DHX34: variants seen among roughly 807,000 people sequenced by gnomAD.
DHX34 encodes the protein DExH-box helicase 34.
DHX34 carries 96 observed loss-of-function variants against 111.1 expected under a neutral mutation model. The observed-to-expected ratio is 0.86, with a 90% confidence interval of 0.73 to 1.02. DHX34 has a LOEUF of 1.02. Ranked by LOEUF, DHX34 falls within the 50% of genes least tolerant of loss-of-function variation. The pLI is 0.00. For synonymous variants in DHX34, 688 were observed against 670.4 expected, an observed-to-expected ratio of 1.03 and a Z score of -0.41; for missense variants, 1,560 against 1,579.9, an observed-to-expected ratio of 0.99 and a Z score of 0.21.
At chr19:47,378,857 T>C (rs1467688635) in intron 13 of DHX34, among the ~76,000 whole-genome samples, 3 of 151,228 alleles carry the variant, frequency 2.0e-5, no homozygotes, top group South Asian at 4.2e-4. Context: ...AAGCCGGGCA[T>C]GGTGGCTCAC....
Position 47,380,807 on chromosome 19 carries a change from C to T in DHX34, c.2983-9C>T. The stretch of plus-strand genomic sequence containing the variant: ...TGTCTCTCTCCATTTCCTGTCTCTC[C>T]TTCCTTAGATTCCTTACAGCCTCCG... On this transcript the variant is annotated splice_polypyrimidine_tract_variant and intron_variant, in intron 14 of 16. Coordinates refer to ENST00000328771, the MANE Select transcript of DHX34 (RefSeq NM_014681.6). 1.2e-6 allele frequency: 2 copies of T among 1,613,730 alleles called. No homozygotes were observed. The highest frequency in any genetic ancestry group is 1.7e-6 in the Non-Finnish European group (2 of 1,179,792).
chr19:47,379,454 A>G (rs905385164), intron 13 of DHX34: 1 of 285,126 alleles, frequency 3.5e-6, no homozygotes, highest in African/African-American at 2.3e-5. Flanking sequence ...CTGAGAATGC[A>G]GCTGTCTCTC....
intron 6 of DHX34, among the ~76,000 whole-genome samples, chr19:47,366,511 C>G (rs1969789253): frequency 6.6e-5 from 10 of 151,842 alleles, no homozygotes; most frequent in Admixed American, 6.6e-4. Context: ...AAACTCCTGA[C>G]CTCAAGTGAT....
chr19:47,381,128 A>C, intron 15 of DHX34, 58 bp from the exon 16 acceptor site: 1 of 1,603,002 alleles, frequency 6.2e-7, no homozygotes, highest in South Asian at 1.1e-5. Context: ...CCGGGGGGGC[A>C]CTTGGGTGGT....
chr19:47,373,411 G>A, intron 8 of DHX34, 188 bp from the exon 9 acceptor site: 1 of 926,496 alleles, frequency 1.1e-6, no homozygotes, highest in Non-Finnish European at 1.3e-6. Context: ...ACCCAGCGGG[G>A]CATCTAACCC....
intron 5 of DHX34, among the ~76,000 whole-genome samples, chr19:47,360,480 G>A (rs1332249207): frequency 6.6e-6 from 1 of 152,028 alleles, no homozygotes; most frequent in African/African-American, 2.4e-5. Flanking sequence ...TCTGCCCTGG[G>A]GCCTTTGTAC....
chr19:47,380,775 C>T lies in DHX34; in HGVS notation c.2983-41C>T, dbSNP rs375868760. 9 of 1,611,320 alleles carry T rather than the reference C, an allele frequency of 5.6e-6. No homozygotes were observed. In the African/African-American group the frequency reaches 9.4e-5, roughly 17 times the overall value. ...ATCCAGGTGCTTTGGCGGCATCTCC[C>T]TGAGTCTGTCTCTCTCCATTTCCTG... On this transcript the variant is annotated intron_variant, in intron 14 of 16. Transcript: ENST00000328771.
intron 3 of DHX34, among the ~76,000 whole-genome samples, chr19:47,356,322 C>T (rs567130950): frequency 6.6e-6 from 1 of 151,898 alleles, no homozygotes; most frequent in Non-Finnish European, 1.5e-5. Context: ...AATTTGCCTT[C>T]TAAGCAGCCA....
chr19:47,378,948 G>A (rs927910429), intron 13 of DHX34, among the ~76,000 whole-genome samples: 3 of 151,084 alleles, frequency 2.0e-5, no homozygotes, highest in Non-Finnish European at 1.5e-5. Flanking sequence ...TAGCCAATGT[G>A]GTGAAACCCC....
intron 1 of DHX34, among the ~76,000 whole-genome samples, chr19:47,351,171 C>CTTTTTTTTT (rs955543104): frequency 1.4e-4 from 13 of 93,074 alleles, no homozygotes; most frequent in Non-Finnish European, 1.6e-4. Context: ...TTTTCTTTTT[C>CTTTTTTTTT]TTTTTTTTTT....
chr19:47,372,808 C>G lies in DHX34; in HGVS notation c.1847C>G (p.Ser616Trp), dbSNP rs760291988. The change falls in exon 8 of 17, where the codon TCG (serine) becomes TGG (tryptophan). Residue 616 changes from serine (S) to tryptophan (W), a missense_variant. By Grantham distance (177) the Ser-to-Trp change is radical. Transcript: ENST00000328771. Reference sequence around the variant, plus strand: ...ATCGCAGCCGCACTTAGCGTCCAGTCGCCCTTCACCCGCAGCGCCCAGAGC... The same window carrying G: ...ATCGCAGCCGCACTTAGCGTCCAGTGGCCCTTCACCCGCAGCGCCCAGAGC... Reference protein sequence around the residue: ...LTIAAALSVQSPFTRSAQSSP... With the variant: ...LTIAAALSVQWPFTRSAQSSP... 6.2e-7 allele frequency: 1 copy of G among 1,613,134 alleles called. No homozygotes were observed.
At chr19:47,371,619 G>A (rs1026436902) in intron 7 of DHX34, among the ~76,000 whole-genome samples, 1 of 152,134 alleles carries the variant, frequency 6.6e-6, no homozygotes, top group Admixed American at 6.5e-5. Context: ...TGGTTTTTGA[G>A]ACGAAGTCTT....
chr19:47,354,019 T>C (rs1568393590), intron 2 of DHX34, among the ~76,000 whole-genome samples: 3 of 152,112 alleles, frequency 2.0e-5, no homozygotes, highest in South Asian at 4.2e-4. Context: ...CTGGAGTGCA[T>C]TGGTGCGATC....
rs868770164 is a variant in DHX34 at position 47,353,610 on chromosome 19, C to T, written c.580C>T (p.Gln194Ter). ...AGDTGCGKST[Q>*]VPQYLLAAGF... ...TGACACCGGCTGTGGCAAGTCCACT[C>T]AGGTGCCCCAGTACCTGCTGGCTGC... Residue 194 changes from glutamine (Q) to a stop codon, truncating the protein, a stop_gained, in exon 2 of 17, where the codon CAG (glutamine) becomes TAG (stop). Coordinates refer to ENST00000328771, the MANE Select transcript of DHX34 (RefSeq NM_014681.6). LOFTEE classifies it high-confidence loss of function. This position sits in a 1 kb window ranked among gnomAD's most constrained non-coding sequence, Gnocchi z 4.6. 1 of 1,613,252 alleles carries T rather than the reference C, an allele frequency of 6.2e-7. No individual in the cohort carries two copies. Among genetic ancestry groups the T allele is most frequent in the East Asian group, 2.2e-5 (1 of 44,872 alleles).
chr19:47,357,399 T>C (rs769240653), intron 3 of DHX34, among the ~76,000 whole-genome samples: 43 of 152,210 alleles, frequency 2.8e-4, no homozygotes, highest in Non-Finnish European at 4.7e-4. Context: ...TGTCTTTTTA[T>C]TACATCCTTC....
intron 1 of DHX34, among the ~76,000 whole-genome samples, chr19:47,351,370 C>G (rs1229315379): frequency 1.3e-5 from 2 of 151,208 alleles, no homozygotes; most frequent in African/African-American, 2.4e-5. Context: ...TTTTCTCCAG[C>G]CTGGGTGACA....
chr19:47,357,155 C>G (rs952066166), intron 3 of DHX34, among the ~76,000 whole-genome samples: 4 of 152,174 alleles, frequency 2.6e-5, no homozygotes, highest in Non-Finnish European at 5.9e-5. Flanking sequence ...GGCTCAGGCT[C>G]AGGGTCCTCT....
chr19:47,371,449 C>T (rs139869100), intron 7 of DHX34, among the ~76,000 whole-genome samples: 132 of 152,276 alleles, frequency 8.7e-4, no homozygotes, highest in African/African-American at 2.9e-3. Flanking sequence ...GTTGTTCCCC[C>T]GTTTACAGAT....
chr19:47,353,493 C>A lies in DHX34; in HGVS notation c.463C>A (p.Leu155Met), dbSNP rs2122214096. The A allele has an allele frequency of 7.4e-6, 12 of 1,614,026 alleles. No homozygotes were observed. Among genetic ancestry groups the A allele is most frequent in the Non-Finnish European group, 1.0e-5 (12 of 1,179,994 alleles). Residue 155 changes from leucine to methionine, a missense_variant, in exon 2 of 17, where the codon CTG (leucine) becomes ATG (methionine). Leu to Met is a conservative substitution (Grantham distance 15). Coordinates refer to ENST00000328771, the MANE Select transcript of DHX34 (RefSeq NM_014681.6). The surrounding 1 kb of genome is among the most constrained non-coding windows in gnomAD (Gnocchi z 4.6). Reference protein sequence around the residue: ...QKQAFGRLAKLQRERAALPIA... With the variant: ...QKQAFGRLAKMQRERAALPIA... ...GCAGGCATTTGGGCGTCTGGCCAAG[C>A]TGCAGCGTGAGCGGGCAGCCCTCCC...
Sources: allele counts gnomAD v4.1 joint callset (sites outside exome capture counted in the v4.1 genomes callset), GRCh38; gene constraint gnomAD v4.1.1; non-coding constraint Gnocchi (gnomAD v3.1); transcripts MANE v1.5; gene names NCBI Gene and HGNC (gene_info 2026-07-23, HGNC 2026-07-21).